UBE3B: variants seen among roughly 807,000 people sequenced by gnomAD.
UBE3B encodes the protein ubiquitin-protein ligase E3B.
A neutral mutation model predicts 132.3 loss-of-function variants in UBE3B; 80 were observed. That is an observed-to-expected ratio of 0.60 (90% confidence interval 0.50 to 0.73). The LOEUF (loss-of-function observed/expected upper bound fraction) is 0.73. Ranked by LOEUF, UBE3B falls within the 30% of genes least tolerant of loss-of-function variation. UBE3B has a pLI of 0.00. For synonymous variants in UBE3B, 487 were observed against 520.4 expected, an observed-to-expected ratio of 0.94 and a Z score of 0.87; for missense variants, 1,196 against 1,362.5, an observed-to-expected ratio of 0.88 and a Z score of 1.92.
chr12:109,539,175 G>A (rs766180673), downstream of UBE3B, among the ~76,000 whole-genome samples: 2 of 152,186 alleles, frequency 1.3e-5, no homozygotes, highest in Non-Finnish European at 2.9e-5. Flanking sequence ...GGCGGAGGTT[G>A]CAATGAGCCA....
intron 18 of UBE3B, among the ~76,000 whole-genome samples, 199 bp downstream of exon 18, chr12:109,511,502 C>A (rs995081742): frequency 5.9e-5 from 9 of 152,060 alleles, no homozygotes; most frequent in Non-Finnish European, 1.2e-4. Flanking sequence ...TGTGAACTGG[C>A]GATGCTGGTG....
intron 19 of UBE3B, among the ~76,000 whole-genome samples, chr12:109,518,613 G>A (rs1881343349): frequency 1.3e-5 from 2 of 152,166 alleles, no homozygotes; most frequent in Non-Finnish European, 2.9e-5. Flanking sequence ...CTACCCAGAC[G>A]TGGCCAGCAC....
downstream of UBE3B, among the ~76,000 whole-genome samples, chr12:109,541,088 A>T (rs911737257): frequency 2.4e-4 from 37 of 152,214 alleles, no homozygotes; most frequent in Non-Finnish European, 7.3e-5. Context: ...GCCTCTAGCC[A>T]AACCACTGCT....
At position 109,534,712 on chromosome 12, in the gene UBE3B, G is replaced by T. The variant is rs1219065002; in HGVS notation, c.3137G>T (p.Ser1046Ile). ...CFNLLKLPNY[S>I]KKSVLREKLR... ...AACCTGCTCAAGCTGCCCAACTACA[G>T]CAAGAAGAGCGTCCTCCGCGAGAAG... The change falls in exon 28 of 28, where the codon AGC becomes ATC. Residue 1046 changes from serine to isoleucine, a missense_variant. Physicochemically the swap from Ser to Ile is moderately radical, Grantham distance 142 (BLOSUM62 -2). Coordinates refer to ENST00000342494, the MANE Select transcript of UBE3B (RefSeq NM_130466.4). This position sits in a 1 kb window ranked among gnomAD's most constrained non-coding sequence, Gnocchi z 5.2. 1 of 1,607,622 alleles carries T rather than the reference G, an allele frequency of 6.2e-7. No homozygotes were observed.
rs1198546006 is a variant in UBE3B at position 109,486,564 on chromosome 12, A to G, written c.436A>G (p.Lys146Glu). Residue 146 changes from lysine (K) to glutamate (E), a missense_variant, in exon 6 of 28, where the codon AAG (lysine) becomes GAG (glutamate). Lys to Glu is a moderately conservative substitution (Grantham distance 56). Transcript: ENST00000342494. ...NILWYCCDFLKQLKPEILQDS... is the reference protein window; with the variant it reads ...NILWYCCDFLEQLKPEILQDS... ...TTTGTGGTACTGCTGTGATTTTCTCAAGCAGCTCAAGGTAACAAAAAAAAA... is the reference window on the plus strand; with the variant it reads ...TTTGTGGTACTGCTGTGATTTTCTCGAGCAGCTCAAGGTAACAAAAAAAAA... 6.8e-7 allele frequency: 1 copy of G among 1,470,798 alleles called. No individual in the cohort carries two copies. Among genetic ancestry groups the G allele is most frequent in the Non-Finnish European group, 9.4e-7 (1 of 1,068,820 alleles). The allele number at this position is 1,470,798 out of a possible 1,614,324, so 91.1% of individuals were successfully genotyped here. A position where few individuals can be genotyped will look rare whatever the true frequency, so the allele number is the denominator to read the frequency against.
Position 109,524,105 on chromosome 12 carries a change from C to T in UBE3B, c.2492C>T (p.Thr831Ile). 6.2e-7 allele frequency: 1 copy of T among 1,614,172 alleles called. No homozygotes were observed. The highest frequency in any genetic ancestry group is 8.5e-7 in the Non-Finnish European group (1 of 1,180,042). The change falls in exon 22 of 28, where the codon ACC becomes ATC. Residue 831 changes from threonine to isoleucine, a missense_variant. Transcript: ENST00000342494. Reference sequence around the variant, plus strand: ...GACTCCGAGTTCTATAAAAACCTCACCTCCATCAAGGTGAGCATGGAATGG... The same window carrying T: ...GACTCCGAGTTCTATAAAAACCTCATCTCCATCAAGGTGAGCATGGAATGG... ...SLDSEFYKNL[T>I]SIKRYDGDIT...
At chr12:109,498,180 A>G (rs1878479284) in intron 10 of UBE3B, 53 bp from the exon 11 acceptor site, 1 of 1,606,986 alleles carries the variant, frequency 6.2e-7, no homozygotes, top group East Asian at 2.2e-5. Flanking sequence ...TTCACTCTCT[A>G]CAGGAAACTG....
At chr12:109,547,218 A>C in the UBE3B span, among the ~76,000 whole-genome samples, 2 of 152,254 alleles carry the variant, frequency 1.3e-5, no homozygotes, top group East Asian at 3.8e-4. The surrounding 1 kb of genome is among the most constrained non-coding windows in gnomAD (Gnocchi z 4.1). Flanking sequence ...GCCCCAGGGC[A>C]GTGATCAGGA....
chr12:109,491,237 G>C (rs1355466497), intron 9 of UBE3B, 110 bp downstream of exon 9: 3 of 934,348 alleles, frequency 3.2e-6, no homozygotes, highest in Non-Finnish European at 4.7e-6. Context: ...CATTTTGTCA[G>C]AATTTATGGG....
At position 109,535,040 on chromosome 12, in the gene UBE3B, C is replaced by T; in HGVS notation, c.*258C>T. The stretch of plus-strand genomic sequence containing the variant: ...TTCCACCAACACGGGTCCATTCTTC[C>T]TGGTGATGGCAGAGGGGCTTCTTTT... On this transcript the variant is annotated 3_prime_UTR_variant, in exon 28 of 28. Transcript: ENST00000342494. 1 of 361,372 alleles carries T rather than the reference C, an allele frequency of 2.8e-6. No homozygotes were observed. The highest frequency in any genetic ancestry group is 4.9e-6 in the Non-Finnish European group (1 of 202,680). The allele number at this position is 361,372 out of a possible 1,614,324, so 22.4% of individuals were successfully genotyped here. A position where few individuals can be genotyped will look rare whatever the true frequency, so the allele number is the denominator to read the frequency against.
intron 4 of UBE3B, among the ~76,000 whole-genome samples, chr12:109,485,795 A>G (rs768879998): frequency 5.9e-5 from 9 of 152,154 alleles, no homozygotes; most frequent in Non-Finnish European, 1.0e-4. Context: ...AAACATTTCT[A>G]TAGGGTTCCT....
chr12:109,519,266 C>G (rs1881419820), intron 19 of UBE3B, among the ~76,000 whole-genome samples: 1 of 152,198 alleles, frequency 6.6e-6, no homozygotes, highest in African/African-American at 2.4e-5. Flanking sequence ...TCAGTATTCC[C>G]TGTGTGTGCA....
At chr12:109,524,618 T>G in intron 23 of UBE3B, 115 bp downstream of exon 23, 1 of 1,170,808 alleles carries the variant, frequency 8.5e-7, no homozygotes, top group Non-Finnish European at 1.2e-6. Context: ...GTCTGGTCCC[T>G]TGTCCTCCCC....
At chr12:109,502,164 T>C (rs187549044) in intron 13 of UBE3B, among the ~76,000 whole-genome samples, 1 of 152,264 alleles carries the variant, frequency 6.6e-6, no homozygotes, top group Non-Finnish European at 1.5e-5. Context: ...TCAGTTTGGC[T>C]GTGAACCAAC....
At chr12:109,487,520 C>T (rs1231680186) in intron 6 of UBE3B, among the ~76,000 whole-genome samples, 4 of 152,196 alleles carry the variant, frequency 2.6e-5, no homozygotes, top group African/African-American at 4.8e-5. Flanking sequence ...AGACATGGCT[C>T]AGCGCAGGGT....
chr12:109,497,772 A>T, intron 9 of UBE3B, 46 bp from the exon 10 acceptor site: 1 of 1,587,534 alleles, frequency 6.3e-7, no homozygotes, highest in Non-Finnish European at 8.6e-7. Context: ...TTTGTTCTGG[A>T]TGCACACGGA....
At chr12:109,506,669 C>T (rs1219365004) in intron 14 of UBE3B, among the ~76,000 whole-genome samples, 1 of 152,196 alleles carries the variant, frequency 6.6e-6, no homozygotes, top group African/African-American at 2.4e-5. Flanking sequence ...TGTTTCTTTA[C>T]ACATTGTCTG....
At chr12:109,492,714 G>C (rs1008356258) in intron 9 of UBE3B, 7 of 147,838 alleles carry the variant, frequency 4.7e-5, no homozygotes, top group Non-Finnish European at 7.4e-5. Context: ...CTCCAGCCTG[G>C]ATGACAGAGT....
intron 18 of UBE3B, among the ~76,000 whole-genome samples, chr12:109,514,665 T>C (rs1170151694): frequency 6.6e-6 from 1 of 152,096 alleles, no homozygotes; most frequent in East Asian, 1.9e-4. Flanking sequence ...GACAAACACC[T>C]GTTCTCAAAA....
Sources: gnomAD v4.1 joint callset for allele counts (sites outside exome capture counted in the v4.1 genomes callset) on GRCh38, gnomAD v4.1.1 for gene constraint, Gnocchi (gnomAD v3.1) non-coding constraint, MANE v1.5 for transcripts, NCBI Gene and HGNC (gene_info 2026-07-23, HGNC 2026-07-21) for gene names.